KCNJ3: variants seen among roughly 807,000 people sequenced by gnomAD.
KCNJ3 encodes the protein potassium inwardly rectifying channel subfamily J member 3, also known as G protein-activated inward rectifier potassium channel 1.
KCNJ3 carries 4 observed loss-of-function variants against 39.2 expected under a neutral mutation model. The ratio of observed to expected loss-of-function variants is 0.10; its 90% CI spans 0.05 to 0.23. The LOEUF is 0.23. KCNJ3 is among the 10% of genes least tolerant of loss of function. The pLI is 1.00. For missense variants in KCNJ3, 276 were observed against 634.9 expected, an observed-to-expected ratio of 0.43 and a Z score of 6.08; for synonymous variants, 230 against 237.4, an observed-to-expected ratio of 0.97 and a Z score of 0.29.
Position 154,722,658 on chromosome 2 carries a change from GT to G in KCNJ3, c.919+12844del, listed in dbSNP as rs58197424. The stretch of plus-strand genomic sequence containing the variant: ...AATGGCAATGGGGGAGCCATAGATG[GT>G]TTTTAAGCAGGAAAATGACATAATC... On this transcript the variant is annotated intron_variant, in intron 2 of 2. Transcript: ENST00000295101. Among the ~76,000 whole-genome samples the G allele has an allele frequency of 7.7e-3, 1,165 of 152,146 alleles. 15 individuals are homozygous for G. Among genetic ancestry groups the G allele is most frequent in the African/African-American group, 0.027 (1,114 of 41,478 alleles).
rs533196846 is a variant in KCNJ3 at position 154,749,420 on chromosome 2, G to A, written c.919+39601G>A. On this transcript the variant is annotated intron_variant, in intron 2 of 2. Coordinates refer to ENST00000295101, the MANE Select transcript of KCNJ3 (RefSeq NM_002239.4). ...TGCCAGTCCTTAGGATGGTAATCTA[G>A]TTCTCTGTCCAACTCAACATTTAGC... Among the ~76,000 whole-genome samples the A allele has an allele frequency of 1.7e-4, 26 of 152,178 alleles. 1 individual carries two copies. In the East Asian group the frequency reaches 1.9e-3, roughly 11 times the overall value.
intron 2 of KCNJ3, among the ~76,000 whole-genome samples, chr2:154,773,938 C>G (rs1034748632): frequency 1.3e-5 from 2 of 152,112 alleles, no homozygotes; most frequent in African/African-American, 2.4e-5. Context: ...ACCACCAATT[C>G]ATAACTGCCT....
chr2:154,741,806 C>T (rs952394141), intron 2 of KCNJ3, among the ~76,000 whole-genome samples: 1 of 151,820 alleles, frequency 6.6e-6, no homozygotes, highest in Non-Finnish European at 1.5e-5. Context: ...AGAATACATA[C>T]AATCATTGAT....
At chr2:154,763,001 A>G (rs930221537) in intron 2 of KCNJ3, among the ~76,000 whole-genome samples, 1 of 152,156 alleles carries the variant, frequency 6.6e-6, no homozygotes, top group Non-Finnish European at 1.5e-5. Context: ...TAGAAATTTA[A>G]TTTCTCCAAG....
At chr2:154,793,204 A>G (rs753796151) in intron 2 of KCNJ3, among the ~76,000 whole-genome samples, 4 of 152,050 alleles carry the variant, frequency 2.6e-5, no homozygotes, top group Non-Finnish European at 1.5e-5. Flanking sequence ...AGATTATATT[A>G]TATTGGCGAG....
At chr2:154,701,822 C>A (rs3111031) in intron 1 of KCNJ3, among the ~76,000 whole-genome samples, 1 of 151,962 alleles carries the variant, frequency 6.6e-6, no homozygotes, top group Admixed American at 6.5e-5. Flanking sequence ...CTCCCCATGG[C>A]GAAGGGAGAG....
At chr2:154,845,602 T>C (rs1687650917) in intron 2 of KCNJ3, among the ~76,000 whole-genome samples, 1 of 152,144 alleles carries the variant, frequency 6.6e-6, no homozygotes, top group African/African-American at 2.4e-5. Context: ...ATAAATACCA[T>C]AAGGAGAAAG....
chr2:154,736,374 TAAAAAAAAAAAAAAAA>T (rs70983745), intron 2 of KCNJ3, among the ~76,000 whole-genome samples: 1,617 of 93,174 alleles, frequency 0.017, 38 homozygotes, highest in East Asian at 0.13. Context: ...TCACTAGTTC[TAAAAAAAAAAAAAAAA>T]AAAAAAAAAA....
chr2:154,700,837 T>C (rs1684881823), intron 1 of KCNJ3, among the ~76,000 whole-genome samples: 1 of 152,200 alleles, frequency 6.6e-6, no homozygotes, highest in South Asian at 2.1e-4. Flanking sequence ...TCACTTGTCC[T>C]GTCACATCAT....
In KCNJ3 at chr2:154,821,622, A is replaced by G. The variant is rs180938863; in HGVS notation, c.920-33105A>G. ...GCACCAACTTTTCCAAAAAAAGAAA[A>G]AGAGAATATGTGATTTTTTTTTTTT... On this transcript the variant is annotated intron_variant, in intron 2 of 2. Transcript: ENST00000295101. 2.8e-4 allele frequency among the ~76,000 whole-genome samples: 42 copies of G among 150,612 alleles called. No individual in the cohort carries two copies. In the East Asian group the frequency reaches 6.7e-3, roughly 24 times the overall value.
chr2:154,769,245 G>A (rs1390542839), intron 2 of KCNJ3, among the ~76,000 whole-genome samples: 8 of 152,136 alleles, frequency 5.3e-5, no homozygotes, highest in Admixed American at 4.6e-4. Flanking sequence ...TGGTGAGAGA[G>A]GGCATCCCTG....
intron 2 of KCNJ3, among the ~76,000 whole-genome samples, chr2:154,720,939 T>TTG (rs776973340): frequency 6.6e-6 from 1 of 151,900 alleles, no homozygotes. Flanking sequence ...TGTAGCCTCT[T>TTG]TGTGTGTGTG....
rs765131740 is a variant in KCNJ3, at chr2:154,699,560, C to T, written c.702+83C>T. ...TAACTCGTCTGAGAACCAGCCCGGG[C>T]CCCCTCCCCTGGTTCTACCTATAGC... On this transcript the variant is annotated intron_variant, in intron 1 of 2. Coordinates refer to ENST00000295101, the MANE Select transcript of KCNJ3 (RefSeq NM_002239.4). This position sits in a 1 kb window ranked among gnomAD's most constrained non-coding sequence, Gnocchi z 6.4. 3 of 1,479,968 alleles carry T rather than the reference C, an allele frequency of 2.0e-6. No individual in the cohort carries two copies. Among genetic ancestry groups the T allele is most frequent in the East Asian group, 2.5e-5 (1 of 40,388 alleles). 91.7% of individuals were successfully genotyped at this position (1,479,968 alleles called of 1,614,324 possible). A position where few individuals can be genotyped will look rare whatever the true frequency, so the allele number is the denominator to read the frequency against.
At chr2:154,723,534 T>C (rs1685299589) in intron 2 of KCNJ3, among the ~76,000 whole-genome samples, 1 of 152,180 alleles carries the variant, frequency 6.6e-6, no homozygotes. Context: ...TGGGATCACA[T>C]TTGTATTTAA....
chr2:154,834,460 G>A (rs184249500), intron 2 of KCNJ3, among the ~76,000 whole-genome samples: 27 of 152,206 alleles, frequency 1.8e-4, no homozygotes, highest in Admixed American at 8.5e-4. Context: ...GGCCGGGCAC[G>A]GTGGCTAACA....
chr2:154,796,066 A>G (rs1686715110), intron 2 of KCNJ3, among the ~76,000 whole-genome samples: 1 of 152,120 alleles, frequency 6.6e-6, no homozygotes, highest in Non-Finnish European at 1.5e-5. Context: ...ACTATCATGT[A>G]TATAACATGA....
intron 2 of KCNJ3, among the ~76,000 whole-genome samples, chr2:154,796,391 C>G (rs1686721460): frequency 1.3e-5 from 2 of 152,050 alleles, no homozygotes; most frequent in South Asian, 4.1e-4. Flanking sequence ...TTGAAGTATT[C>G]CAATTTCCTT....
At chr2:154,752,040 C>A (rs911781920) in intron 2 of KCNJ3, among the ~76,000 whole-genome samples, 1 of 152,022 alleles carries the variant, frequency 6.6e-6, no homozygotes, top group Non-Finnish European at 1.5e-5. Flanking sequence ...CACACCATAA[C>A]ACCAATTAAA....
intron 2 of KCNJ3, among the ~76,000 whole-genome samples, chr2:154,849,872 G>A (rs1687724390): frequency 6.6e-6 from 1 of 151,946 alleles, no homozygotes. Flanking sequence ...AAAGGAAAAT[G>A]TCAAAAATAA....
Sources: gnomAD v4.1 joint callset for allele counts (sites outside exome capture counted in the v4.1 genomes callset) on GRCh38, gnomAD v4.1.1 for gene constraint, Gnocchi (gnomAD v3.1) non-coding constraint, MANE v1.5 for transcripts, NCBI Gene and HGNC (gene_info 2026-07-23, HGNC 2026-07-21) for gene names.